The following WNK1 variants were observed in gnomAD, a reference collection of about 807,000 sequenced individuals.
WNK1 encodes serine/threonine-protein kinase WNK1.
In WNK1, 38 loss-of-function variants were observed where a neutral mutation model predicts 222.8. The observed-to-expected ratio is 0.17, with a 90% CI of 0.13 to 0.22. The LOEUF (loss-of-function observed/expected upper bound fraction) is 0.22. Ranked by LOEUF, WNK1 falls within the 10% of genes least tolerant of loss-of-function variation. The probability of loss-of-function intolerance (pLI) is 1.00; values close to 1 mark genes in which losing one functional copy is unlikely to be tolerated. For missense variants in WNK1, 2,348 were observed against 2,918.4 expected (o/e 0.80, Z 4.50); for synonymous variants, 1,090 against 1,092.9 (o/e 1.00, Z 0.05).
chr12:904,097 A>G (rs993064992), intron 26 of WNK1, among the ~76,000 whole-genome samples: 8 of 152,232 alleles, frequency 5.3e-5, no homozygotes, highest in Admixed American at 2.6e-4. Context: ...GGACAGGATC[A>G]GTGGAAACGC....
At chr12:871,982 G>A (rs1184411270) in intron 9 of WNK1, among the ~76,000 whole-genome samples, 1 of 152,164 alleles carries the variant, frequency 6.6e-6, no homozygotes, top group East Asian at 1.9e-4. Context: ...GCAGTGATTT[G>A]TCATTACCTT....
intron 1 of WNK1, among the ~76,000 whole-genome samples, chr12:804,717 C>A (rs1348066964): frequency 6.6e-6 from 1 of 151,952 alleles, no homozygotes; most frequent in Non-Finnish European, 1.5e-5. Context: ...CCCCATTGTC[C>A]CCTTTCCCTG....
intron 1 of WNK1, among the ~76,000 whole-genome samples, chr12:761,729 A>G (rs1003222801): frequency 1.4e-5 from 2 of 148,056 alleles, no homozygotes; most frequent in African/African-American, 4.9e-5. Flanking sequence ...TTTGAGCTAC[A>G]TAACCTGATA....
intron 1 of WNK1, among the ~76,000 whole-genome samples, chr12:761,356 A>G (rs923882117): frequency 6.7e-6 from 1 of 148,296 alleles, no homozygotes; most frequent in Non-Finnish European, 1.5e-5. Flanking sequence ...ATAAGCTGTT[A>G]GTCATAACAA....
At chr12:771,773 G>A (rs914225167) in intron 1 of WNK1, among the ~76,000 whole-genome samples, 2 of 152,092 alleles carry the variant, frequency 1.3e-5, no homozygotes, top group African/African-American at 4.8e-5. Context: ...ATATATTTGA[G>A]ATGGCAAGAC....
intron 4 of WNK1, among the ~76,000 whole-genome samples, chr12:838,438 A>G (rs1006751952): frequency 1.8e-4 from 27 of 152,038 alleles, no homozygotes; most frequent in African/African-American, 6.0e-4. Flanking sequence ...ATTTTGAGAC[A>G]GAATCTCACT....
intron 4 of WNK1, among the ~76,000 whole-genome samples, chr12:833,765 T>A (rs1313043547): frequency 6.6e-6 from 1 of 152,190 alleles, no homozygotes; most frequent in African/African-American, 2.4e-5. Flanking sequence ...ATCTAGTACA[T>A]CTGTATAATT....
chr12:843,231 C>T (rs961037039), intron 4 of WNK1, among the ~76,000 whole-genome samples: 4 of 152,212 alleles, frequency 2.6e-5, no homozygotes, highest in African/African-American at 9.6e-5. Flanking sequence ...GCGACCACGC[C>T]TGGCCCAGGC....
chr12:847,484 A>G (rs1011944907), intron 4 of WNK1, among the ~76,000 whole-genome samples: 3 of 152,240 alleles, frequency 2.0e-5, no homozygotes, highest in Non-Finnish European at 2.9e-5. Context: ...TAAAGTATTC[A>G]GTGAACAAGT....
chr12:903,796 A>G (rs1955471438), intron 26 of WNK1, among the ~76,000 whole-genome samples: 1 of 152,226 alleles, frequency 6.6e-6, no homozygotes, highest in Non-Finnish European at 1.5e-5. Context: ...AGAGTAGGGC[A>G]CCTTACTAGC....
rs1174336573 is a variant in WNK1, at chr12:881,099, T to C, written c.3111+100T>C. 17 of 1,481,760 alleles carry C rather than the reference T, an allele frequency of 1.1e-5. No individual in the cohort carries two copies. In the Admixed American group the frequency reaches 1.3e-4, roughly 11 times the overall value. The allele number at this position is 1,481,760 out of a possible 1,614,324, so 91.8% of individuals were successfully genotyped here. ...ACAGGCTCCCCTGGTTTAGAACTTA[T>C]TTGGAGACCATGTCAAACTAACTTC... On this transcript the variant is annotated intron_variant, in intron 12 of 27. Coordinates refer to ENST00000315939, the MANE Select transcript of WNK1 (RefSeq NM_018979.4).
At chr12:804,956 A>C (rs1323838286) in intron 1 of WNK1, among the ~76,000 whole-genome samples, 1 of 147,838 alleles carries the variant, frequency 6.8e-6, no homozygotes, top group Non-Finnish European at 1.5e-5. Flanking sequence ...TATATAATAT[A>C]AAATATAATT....
At chr12:822,418 G>A (rs536287425) in intron 2 of WNK1, among the ~76,000 whole-genome samples, 1 of 152,230 alleles carries the variant, frequency 6.6e-6, no homozygotes, top group East Asian at 1.9e-4. Context: ...CCTAGAGACA[G>A]TCTTGTACTG....
rs1028519307 is a variant in WNK1, at chr12:900,772, A to G, written c.6643+102A>G. 3 of 1,374,178 alleles carry G rather than the reference A, an allele frequency of 2.2e-6. No homozygotes were observed. In the African/African-American group the frequency reaches 4.3e-5, roughly 20 times the overall value. 85.1% of individuals were successfully genotyped at this position (1,374,178 alleles called of 1,614,324 possible). Reference sequence around the variant, plus strand: ...CGGGTTGGGAGACTAGCTGACCAGAACACAGCCTGTGTGTTGTACACTGAA... The same window carrying G: ...CGGGTTGGGAGACTAGCTGACCAGAGCACAGCCTGTGTGTTGTACACTGAA... On this transcript the variant is annotated intron_variant, in intron 26 of 27. Transcript: ENST00000315939.
chr12:862,043 T>TTC (rs749239175), intron 7 of WNK1, 40 bp from the exon 8 acceptor site: 12 of 1,610,760 alleles, frequency 7.4e-6, no homozygotes, highest in Non-Finnish European at 1.0e-5. Flanking sequence ...TGATTTGTCT[T>TTC]TCTCTCTCTC....
Position 911,133 on chromosome 12 carries a change from T to C in WNK1, c.*2341T>C, listed in dbSNP as rs1458891946. The C allele has an allele frequency of 7.6e-6, 3 of 396,098 alleles. No homozygotes were observed. The highest frequency in any genetic ancestry group is 1.3e-5 in the Non-Finnish European group (3 of 225,240). 24.5% of individuals were successfully genotyped at this position (396,098 alleles called of 1,614,324 possible). A position where few individuals can be genotyped will look rare whatever the true frequency, so the allele number is the denominator to read the frequency against. ...TGATTTCATCCTCCTGTGTATGAAA[T>C]AACAAGCCTAGAGGAATGAACTAGT... On this transcript the variant is annotated 3_prime_UTR_variant, in exon 28 of 28. Transcript: ENST00000315939.
At chr12:882,184 T>C in intron 14 of WNK1, 111 bp downstream of exon 14, 2 of 1,262,486 alleles carry the variant, frequency 1.6e-6, no homozygotes, top group Non-Finnish European at 2.2e-6. Flanking sequence ...AAGATAACTA[T>C]CTGTGTGTGA....
chr12:818,367 A>T (rs1947554830), intron 2 of WNK1, among the ~76,000 whole-genome samples: 1 of 152,196 alleles, frequency 6.6e-6, no homozygotes, highest in African/African-American at 2.4e-5. Flanking sequence ...GCTGCCTCTG[A>T]CCAACTGTGA....
intron 21 of WNK1, among the ~76,000 whole-genome samples, chr12:889,840 A>G (rs1336714323): frequency 6.6e-6 from 1 of 152,096 alleles, no homozygotes; most frequent in Non-Finnish European, 1.5e-5. Flanking sequence ...TAATGTTTTG[A>G]TTGAAACTGT....
Sources: allele counts gnomAD v4.1 joint callset (sites outside exome capture counted in the v4.1 genomes callset), GRCh38; gene constraint gnomAD v4.1.1; transcripts MANE v1.5; gene names NCBI Gene and HGNC (gene_info 2026-07-23, HGNC 2026-07-21).